The following GRM3 variants were observed in gnomAD, a reference collection of about 807,000 sequenced individuals.
GRM3 encodes the protein metabotropic glutamate receptor 3.
Under a neutral mutation model 70.5 loss-of-function variants are expected in GRM3, and 26 were observed. The ratio of observed to expected loss-of-function variants is 0.37; its 90% CI spans 0.27 to 0.51. GRM3 has a LOEUF of 0.51. GRM3 is among the 20% of genes least tolerant of loss of function. GRM3 has a pLI of 0.93. For missense variants in GRM3, 859 were observed against 1,123.8 expected (o/e 0.76, Z 3.37); for synonymous variants, 443 against 434.9 (o/e 1.02, Z -0.23).
chr7:86,688,140 A>G (rs1254556047), intron 1 of GRM3, among the ~76,000 whole-genome samples: 2 of 151,714 alleles, frequency 1.3e-5, no homozygotes, highest in Non-Finnish European at 3.0e-5. Flanking sequence ...TAATTTGTCA[A>G]TTACACCTCA....
intron 1 of GRM3, among the ~76,000 whole-genome samples, chr7:86,757,544 G>A (rs1796373886): frequency 6.6e-6 from 1 of 152,150 alleles, no homozygotes; most frequent in African/African-American, 2.4e-5. Flanking sequence ...ATACCTCTCG[G>A]ATATGTCTGC....
At chr7:86,692,310 G>T (rs1487243652) in intron 1 of GRM3, among the ~76,000 whole-genome samples, 2 of 152,066 alleles carry the variant, frequency 1.3e-5, no homozygotes, top group Non-Finnish European at 2.9e-5. Flanking sequence ...ATAGACTATA[G>T]AGTCTGTCTA....
chr7:86,826,869 CATA>C (rs1798246375), intron 3 of GRM3, among the ~76,000 whole-genome samples: 1 of 152,134 alleles, frequency 6.6e-6, no homozygotes, highest in Non-Finnish European at 1.5e-5. Context: ...CCCTTGGCTA[CATA>C]ATAATATATG....
rs752217552 is a variant in GRM3 at position 86,671,664 on chromosome 7, T to G, written c.-141+26792T>G. On this transcript the variant is annotated intron_variant, in intron 1 of 5. Transcript: ENST00000361669. ...CTAGAGGTCTGACCACAACCTCCAGTGCTTTTGATTATCTCACTTTCTGCT... is the reference window on the plus strand; with the variant it reads ...CTAGAGGTCTGACCACAACCTCCAGGGCTTTTGATTATCTCACTTTCTGCT... Among the ~76,000 whole-genome samples the G allele has an allele frequency of 2.0e-5, 3 of 152,190 alleles. No individual in the cohort carries two copies. The East Asian group carries it at 5.8e-4, about 29-fold the overall frequency.
intron 1 of GRM3, among the ~76,000 whole-genome samples, chr7:86,718,284 C>T (rs1795369463): frequency 6.6e-6 from 1 of 151,900 alleles, no homozygotes; most frequent in Non-Finnish European, 1.5e-5. Context: ...CTAAACTAGC[C>T]ACCACCTAAG....
chr7:86,736,741 A>T (rs1795870355), intron 1 of GRM3, among the ~76,000 whole-genome samples: 1 of 152,162 alleles, frequency 6.6e-6, no homozygotes, highest in Admixed American at 6.6e-5. Context: ...CACTGGTAGA[A>T]TCAGTCACAT....
chr7:86,824,867 G>C (rs1458696915), intron 3 of GRM3, among the ~76,000 whole-genome samples: 1 of 151,742 alleles, frequency 6.6e-6, no homozygotes, highest in Admixed American at 6.6e-5. Flanking sequence ...ATTATGTTAG[G>C]GTACTATAAC....
intron 1 of GRM3, among the ~76,000 whole-genome samples, chr7:86,743,984 A>T: frequency 6.6e-6 from 1 of 152,140 alleles, no homozygotes; most frequent in East Asian, 1.9e-4. Flanking sequence ...CACAAATGAC[A>T]TTCTGGGGTA....
intron 3 of GRM3, among the ~76,000 whole-genome samples, chr7:86,794,532 G>A (rs917034023): frequency 2.6e-5 from 4 of 152,148 alleles, no homozygotes; most frequent in African/African-American, 9.7e-5. Context: ...AAAGATTAAG[G>A]ATGCTGATGT....
chr7:86,670,857 A>G (rs921731904), intron 1 of GRM3, among the ~76,000 whole-genome samples: 2 of 151,944 alleles, frequency 1.3e-5, no homozygotes, highest in African/African-American at 4.8e-5. Flanking sequence ...AAGCTGGACA[A>G]CTCTCTATTC....
chr7:86,831,342 A>C (rs972997629), intron 3 of GRM3, among the ~76,000 whole-genome samples: 5 of 152,154 alleles, frequency 3.3e-5, no homozygotes, highest in Non-Finnish European at 7.3e-5. Context: ...ACTCAATGAA[A>C]ATTTTTACAA....
At chr7:86,854,712 G>C (rs1021051928) in intron 5 of GRM3, among the ~76,000 whole-genome samples, 2 of 152,124 alleles carry the variant, frequency 1.3e-5, no homozygotes, top group Non-Finnish European at 2.9e-5. Context: ...CACCCCAGCT[G>C]TTTCAATAGA....
At chr7:86,758,174 C>G (rs1219263699) in intron 1 of GRM3, among the ~76,000 whole-genome samples, 1 of 152,096 alleles carries the variant, frequency 6.6e-6, no homozygotes, top group Admixed American at 6.6e-5. Context: ...GCAGAATACT[C>G]TGAAATTATA....
chr7:86,813,494 TA>T (rs1217600950), intron 3 of GRM3, among the ~76,000 whole-genome samples: 3 of 151,908 alleles, frequency 2.0e-5, no homozygotes, highest in African/African-American at 4.8e-5. Flanking sequence ...GTTGAATTTT[TA>T]ATCAACTTTT....
chr7:86,711,504 C>A (rs905058142), intron 1 of GRM3, among the ~76,000 whole-genome samples: 1 of 151,984 alleles, frequency 6.6e-6, no homozygotes, highest in Non-Finnish European at 1.5e-5. Context: ...TTTACTTTCT[C>A]TTGTAGTCTC....
chr7:86,665,748 G>A (rs1017231786), intron 1 of GRM3, among the ~76,000 whole-genome samples: 1 of 152,108 alleles, frequency 6.6e-6, no homozygotes, highest in Non-Finnish European at 1.5e-5. Context: ...ATTATCATGC[G>A]TTATAAGGAA....
intron 1 of GRM3, among the ~76,000 whole-genome samples, chr7:86,758,106 C>CTT (rs1260265816): frequency 6.6e-6 from 1 of 152,106 alleles, no homozygotes; most frequent in Non-Finnish European, 1.5e-5. Context: ...TCACTCTCTA[C>CTT]TTAGCAATAG....
At chr7:86,803,523 C>T (rs994511990) in intron 3 of GRM3, among the ~76,000 whole-genome samples, 1 of 152,126 alleles carries the variant, frequency 6.6e-6, no homozygotes, top group African/African-American at 2.4e-5. Context: ...AATATTGTAG[C>T]AATATTTAGG....
At chr7:86,789,627 G>C (rs1156256219) in intron 3 of GRM3, among the ~76,000 whole-genome samples, 1 of 152,038 alleles carries the variant, frequency 6.6e-6, no homozygotes, top group East Asian at 1.9e-4. Context: ...TACACACTTA[G>C]CAGACACTAA....
Sources: gnomAD v4.1 joint callset for allele counts (sites outside exome capture counted in the v4.1 genomes callset) on GRCh38, gnomAD v4.1.1 for gene constraint, MANE v1.5 for transcripts, NCBI Gene and HGNC (gene_info 2026-07-23, HGNC 2026-07-21) for gene names.